The following STAC variants were observed in gnomAD, a reference collection of about 807,000 sequenced individuals.
STAC encodes SH3 and cysteine-rich domain-containing protein.
In STAC, 43 loss-of-function variants were observed where a neutral mutation model predicts 48.8. The ratio of observed to expected loss-of-function variants is 0.88; its 90% CI spans 0.69 to 1.14. The LOEUF (loss-of-function observed/expected upper bound fraction) is 1.14. STAC is among the 50% of genes most tolerant of loss of function. The pLI, the probability that STAC is intolerant of heterozygous loss-of-function variation, is 0.00. For synonymous variants in STAC, 193 were observed against 179.5 expected (o/e 1.07, Z -0.60); for missense variants, 497 against 504.0 (o/e 0.99, Z 0.13).
intron 1 of STAC, among the ~76,000 whole-genome samples, chr3:36,395,046 A>T (rs1204438600): frequency 6.6e-6 from 1 of 150,822 alleles, no homozygotes; most frequent in East Asian, 1.9e-4. Context: ...TATATATATC[A>T]AAATATTTTA....
At chr3:36,520,551 G>A (rs1698775873) in intron 8 of STAC, among the ~76,000 whole-genome samples, 1 of 152,158 alleles carries the variant, frequency 6.6e-6, no homozygotes, top group Non-Finnish European at 1.5e-5. Flanking sequence ...CTCCCTTGGT[G>A]TCTCGTTTCT....
intron 1 of STAC, among the ~76,000 whole-genome samples, chr3:36,387,930 G>T (rs143988627): frequency 1.3e-5 from 2 of 151,954 alleles, no homozygotes; most frequent in African/African-American, 4.8e-5. Flanking sequence ...CACAGTGGTC[G>T]CACAGTTTTG....
chr3:36,525,571 T>TCC (rs369966862), intron 8 of STAC, among the ~76,000 whole-genome samples: 8 of 152,084 alleles, frequency 5.3e-5, no homozygotes, highest in African/African-American at 1.9e-4. Flanking sequence ...GAAAGGTACC[T>TCC]CCCCCAGCTT....
chr3:36,535,719 G>A (rs1262799791), intron 10 of STAC, among the ~76,000 whole-genome samples: 2 of 152,132 alleles, frequency 1.3e-5, no homozygotes, highest in East Asian at 3.8e-4. Context: ...TGCATCTATT[G>A]AAATAATCAT....
chr3:36,463,095 A>T (rs968791920), intron 2 of STAC, among the ~76,000 whole-genome samples: 2 of 152,174 alleles, frequency 1.3e-5, no homozygotes, highest in Non-Finnish European at 2.9e-5. Flanking sequence ...TTTTACACTT[A>T]TAAGTAAGAT....
chr3:36,497,239 G>C (rs1405135490), intron 6 of STAC, among the ~76,000 whole-genome samples: 1 of 152,196 alleles, frequency 6.6e-6, no homozygotes, highest in Non-Finnish European at 1.5e-5. Flanking sequence ...TTTGTATCAA[G>C]TTCAGGTAAA....
intron 1 of STAC, among the ~76,000 whole-genome samples, chr3:36,416,281 G>A (rs1700317171): frequency 1.3e-5 from 2 of 152,060 alleles, no homozygotes; most frequent in South Asian, 4.2e-4. Flanking sequence ...GACCAGCCTG[G>A]GAAACATAGT....
At chr3:36,498,929 T>C (rs866049659) in intron 6 of STAC, among the ~76,000 whole-genome samples, 6 of 152,156 alleles carry the variant, frequency 3.9e-5, no homozygotes, top group African/African-American at 1.4e-4. Context: ...AAATGCAGTA[T>C]AAAAGACTGA....
At chr3:36,486,523 C>A (rs13083668) in intron 5 of STAC, among the ~76,000 whole-genome samples, 8 of 152,266 alleles carry the variant, frequency 5.3e-5, no homozygotes, top group Admixed American at 3.3e-4. Flanking sequence ...CTCCTTTACC[C>A]TCCCACCAAC....
chr3:36,387,128 G>T (rs1186313343), intron 1 of STAC, among the ~76,000 whole-genome samples: 1 of 152,036 alleles, frequency 6.6e-6, no homozygotes, highest in Non-Finnish European at 1.5e-5. Context: ...GCAGATCCAT[G>T]AATAAGAATT....
At chr3:36,458,061 G>A (rs1017386220) in intron 2 of STAC, among the ~76,000 whole-genome samples, 14 of 152,180 alleles carry the variant, frequency 9.2e-5, no homozygotes, top group African/African-American at 2.4e-4. Flanking sequence ...AGTAGAGCAA[G>A]GAGTGGGGAA....
intron 6 of STAC, among the ~76,000 whole-genome samples, chr3:36,494,107 G>A (rs1034657184): frequency 2.8e-4 from 39 of 138,506 alleles, no homozygotes; most frequent in Non-Finnish European, 3.6e-4. Context: ...AGCCGAGATC[G>A]CGCCACTGCA....
At chr3:36,501,186 C>A (rs1328017209) in intron 6 of STAC, among the ~76,000 whole-genome samples, 2 of 152,014 alleles carry the variant, frequency 1.3e-5, no homozygotes, top group Non-Finnish European at 2.9e-5. Flanking sequence ...CATATCAAAA[C>A]AACACGTATC....
intron 1 of STAC, among the ~76,000 whole-genome samples, chr3:36,430,691 A>G (rs1700679795): frequency 6.6e-6 from 1 of 152,198 alleles, no homozygotes; most frequent in African/African-American, 2.4e-5. Context: ...ACTGGGTGGC[A>G]TAAACAACAG....
intron 2 of STAC, among the ~76,000 whole-genome samples, chr3:36,446,070 G>T (rs1181261448): frequency 6.6e-6 from 1 of 152,154 alleles, no homozygotes; most frequent in Non-Finnish European, 1.5e-5. Context: ...AATTTTCTTA[G>T]CTTCTTATTG....
chr3:36,409,402 A>G (rs545562658), intron 1 of STAC: 2 of 152,324 alleles, frequency 1.3e-5, no homozygotes, highest in Non-Finnish European at 2.9e-5. Flanking sequence ...CTCCATTAGC[A>G]TTGGGTCAAC....
At chr3:36,433,960 T>C (rs1375243478) in intron 1 of STAC, among the ~76,000 whole-genome samples, 1 of 152,252 alleles carries the variant, frequency 6.6e-6, no homozygotes, top group Non-Finnish European at 1.5e-5. Context: ...AGCAAATCAG[T>C]ACCTGGAATG....
intron 2 of STAC, among the ~76,000 whole-genome samples, chr3:36,449,782 G>A (rs1033196527): frequency 1.3e-5 from 2 of 152,124 alleles, no homozygotes; most frequent in African/African-American, 4.8e-5. Context: ...ACTCTTTAGG[G>A]GATACTGTTG....
intron 1 of STAC, among the ~76,000 whole-genome samples, chr3:36,406,200 G>C (rs180976310): frequency 2.6e-5 from 4 of 152,324 alleles, no homozygotes; most frequent in Non-Finnish European, 5.9e-5. Flanking sequence ...GGTCTGCTTC[G>C]CTGCACAGAC....
Sources: gnomAD v4.1 joint callset for allele counts (sites outside exome capture counted in the v4.1 genomes callset) on GRCh38, gnomAD v4.1.1 for gene constraint, MANE v1.5 for transcripts, NCBI Gene and HGNC (gene_info 2026-07-23, HGNC 2026-07-21) for gene names.